The following LNX2 variants were observed in gnomAD, a reference collection of about 807,000 sequenced individuals.
LNX2 encodes the protein ligand of numb-protein X 2.
Under a neutral mutation model 66.2 loss-of-function variants are expected in LNX2, and 35 were observed. That is an observed-to-expected ratio of 0.53 (90% CI 0.40 to 0.70). The LOEUF is 0.70. Among genes scored for constraint, LNX2 ranks in the 30% least tolerant of loss-of-function variants. The pLI, the probability that LNX2 is intolerant of heterozygous loss-of-function variation, is 0.00. For missense variants in LNX2, 791 were observed against 850.8 expected (o/e 0.93, Z 0.87); for synonymous variants, 337 against 315.6 (o/e 1.07, Z -0.72).
intron 5 of LNX2, 37 bp downstream of exon 5, chr13:27,562,376 C>T (rs371049567): frequency 4.7e-4 from 737 of 1,569,420 alleles, no homozygotes; most frequent in Non-Finnish European, 5.7e-4. Context: ...ATGATCATTT[C>T]GGCCAAGCCT....
intron 9 of LNX2, among the ~76,000 whole-genome samples, chr13:27,549,564 CA>C: frequency 6.6e-6 from 1 of 152,190 alleles, no homozygotes; most frequent in Admixed American, 6.5e-5. Context: ...TCAGCTATTT[CA>C]TTGTGGGCAA....
intron 6 of LNX2, among the ~76,000 whole-genome samples, chr13:27,559,391 T>C (rs888087911): frequency 6.6e-6 from 1 of 152,226 alleles, no homozygotes; most frequent in Non-Finnish European, 1.5e-5. Context: ...ATGATTCATA[T>C]GTTTAATCTT....
chr13:27,595,915 C>G (rs963649553), intron 1 of LNX2, among the ~76,000 whole-genome samples: 32 of 152,166 alleles, frequency 2.1e-4, no homozygotes, highest in African/African-American at 7.7e-4. Flanking sequence ...CTGCTGTAGG[C>G]TGAGTATTCA....
In LNX2 at chr13:27,550,504, A is replaced by C. The variant is rs780433895; in HGVS notation, c.1779-13T>G. Reference sequence around the variant, plus strand: ...GCTATGAAGTGTGCTATAAACAAACAGAAAAATAAAGAAAAAATTAACATG... The same window carrying C: ...GCTATGAAGTGTGCTATAAACAAACCGAAAAATAAAGAAAAAATTAACATG... On this transcript the variant is annotated splice_polypyrimidine_tract_variant and intron_variant, in intron 8 of 9. Coordinates refer to ENST00000316334, the MANE Select transcript of LNX2 (RefSeq NM_153371.4). 2 of 1,584,864 alleles carry C rather than the reference A, an allele frequency of 1.3e-6. No homozygotes were observed. The highest frequency in any genetic ancestry group is 1.7e-6 in the Non-Finnish European group (2 of 1,167,226).
At position 27,546,191 on chromosome 13, in the gene LNX2, A is replaced by T. The variant is rs11542454; in HGVS notation, c.*2144T>A. The T allele has an allele frequency of 6.6e-6, 1 of 152,230 alleles. No individual in the cohort carries two copies. Among genetic ancestry groups the T allele is most frequent in the Non-Finnish European group, 1.5e-5 (1 of 68,048 alleles). The allele number at this position is 152,230 out of a possible 1,614,324, so 9.4% of individuals were successfully genotyped here. On this transcript the variant is annotated 3_prime_UTR_variant, in exon 10 of 10. Transcript: ENST00000316334. ...ATTTCTATAAAAATGAGAGTGAAGA[A>T]ATTTCTTCTTTCAAAATACTCATTA...
rs1955253085 is a variant in LNX2, at chr13:27,569,632, T to C, written c.408-356A>G. Among the ~76,000 whole-genome samples the C allele has an allele frequency of 1.3e-5, 2 of 152,224 alleles. 1 individual carries two copies. Among genetic ancestry groups the C allele is most frequent in the South Asian group, 4.1e-4 (2 of 4,832 alleles). On this transcript the variant is annotated intron_variant, in intron 2 of 9. Transcript: ENST00000316334. ...TCACATAACCCATTTACAGGTTAAA[T>C]GGCTTAACCACAGCAGTGAAATCAG...
At chr13:27,576,231 G>C (rs1282848705) in intron 2 of LNX2, among the ~76,000 whole-genome samples, 1 of 152,114 alleles carries the variant, frequency 6.6e-6, no homozygotes, top group Non-Finnish European at 1.5e-5. Context: ...CAACAATAAA[G>C]CTTTTGATAC....
intron 9 of LNX2, 62 bp from the exon 10 acceptor site, chr13:27,548,532 T>A: frequency 1.3e-6 from 2 of 1,537,582 alleles, no homozygotes; most frequent in Non-Finnish European, 1.8e-6. Context: ...ATATCCCAAT[T>A]GAGATTTATG....
intron 2 of LNX2, among the ~76,000 whole-genome samples, chr13:27,580,493 TA>T (rs1955384836): frequency 6.6e-6 from 1 of 152,176 alleles, no homozygotes; most frequent in African/African-American, 2.4e-5. Context: ...AACCAGTATT[TA>T]TTTCTGCCAT....
At chr13:27,616,185 G>GA (rs1955824103) in intron 1 of LNX2, among the ~76,000 whole-genome samples, 1 of 63,392 alleles carries the variant, frequency 1.6e-5, no homozygotes, top group African/African-American at 7.2e-5. Context: ...GGGGTGGGGG[G>GA]TTGGGGGGGG....
chr13:27,584,522 C>CA (rs539537660), intron 1 of LNX2, among the ~76,000 whole-genome samples: 2 of 151,764 alleles, frequency 1.3e-5, no homozygotes, highest in East Asian at 1.9e-4. Flanking sequence ...CCTGTCTCCA[C>CA]AAAAAATAAG....
At chr13:27,556,456 A>G (rs371531399) in intron 6 of LNX2, 43 bp from the exon 7 acceptor site, 85 of 1,534,366 alleles carry the variant, frequency 5.5e-5, no homozygotes, top group Non-Finnish European at 7.6e-5. Flanking sequence ...TGAATAAAAT[A>G]TAGTTGAAGT....
intron 2 of LNX2, among the ~76,000 whole-genome samples, chr13:27,576,562 CAA>C (rs35339735): frequency 7.1e-6 from 1 of 141,186 alleles, no homozygotes; most frequent in African/African-American, 2.6e-5. Flanking sequence ...ACTAAAAGCA[CAA>C]AAAAAAAAAA....
At chr13:27,578,715 G>T (rs572188743) in intron 2 of LNX2, among the ~76,000 whole-genome samples, 1 of 152,286 alleles carries the variant, frequency 6.6e-6, no homozygotes, top group South Asian at 2.1e-4. Flanking sequence ...CAAGTCCCAC[G>T]CACCTAGTCA....
At chr13:27,552,392 T>C (rs934799070) in intron 8 of LNX2, among the ~76,000 whole-genome samples, 3 of 152,248 alleles carry the variant, frequency 2.0e-5, no homozygotes, top group African/African-American at 7.2e-5. Context: ...TTGTTATAAA[T>C]GTATCCCACG....
At chr13:27,553,125 G>A (rs989491120) in intron 8 of LNX2, 83 bp downstream of exon 8, 49 of 1,071,412 alleles carry the variant, frequency 4.6e-5, no homozygotes, top group East Asian at 1.5e-4. Context: ...TTATCCCAAC[G>A]AGTAAATTTA....
chr13:27,620,761 G>C (rs1328653794), upstream of LNX2: 1 of 152,846 alleles, frequency 6.5e-6, no homozygotes, highest in Non-Finnish European at 1.5e-5. Flanking sequence ...CTCGCCGCCC[G>C]CCTCCCCCAC....
chr13:27,591,571 C>T (rs35327302), intron 1 of LNX2, among the ~76,000 whole-genome samples: 14,672 of 152,208 alleles, frequency 0.096, 998 homozygotes, highest in Non-Finnish European at 0.14. Flanking sequence ...TTTCCCTAAC[C>T]TCAAATCTGA....
chr13:27,583,231 T>TCCTCTCCAATATAA (rs1955433443), intron 1 of LNX2, among the ~76,000 whole-genome samples: 1 of 16,560 alleles, frequency 6.0e-5, no homozygotes, highest in Non-Finnish European at 1.3e-4. Flanking sequence ...TGTGTGTGTG[T>TCCTCTCCAATATAA]GTGTGTGTGT....
Sources: allele counts gnomAD v4.1 joint callset (sites outside exome capture counted in the v4.1 genomes callset), GRCh38; gene constraint gnomAD v4.1.1; transcripts MANE v1.5; gene names NCBI Gene and HGNC (gene_info 2026-07-23, HGNC 2026-07-21).